COL5A2: variants seen among roughly 807,000 people sequenced by gnomAD.
COL5A2 encodes collagen alpha-2(V) chain.
Under a neutral mutation model 208.2 loss-of-function variants are expected in COL5A2, and 23 were observed. The ratio of observed to expected loss-of-function variants is 0.11; its 90% confidence interval spans 0.08 to 0.16. The LOEUF (loss-of-function observed/expected upper bound fraction) is 0.16, where lower values mean the gene tolerates loss of function less well. COL5A2 is among the 10% of genes least tolerant of loss of function. COL5A2 has a pLI of 1.00. For synonymous variants in COL5A2, 625 were observed against 628.5 expected, an observed-to-expected ratio of 0.99 and a Z score of 0.08; for missense variants, 1,590 against 1,956.4, an observed-to-expected ratio of 0.81 and a Z score of 3.53.
chr2:189,066,723 C>G lies in COL5A2; in HGVS notation c.1455+6G>C, dbSNP rs113512079. The G allele has an allele frequency of 1.2e-6, 2 of 1,611,172 alleles. No homozygotes were observed. The highest frequency in any genetic ancestry group is 1.3e-5 in the African/African-American group (1 of 74,828). On this transcript the variant is annotated splice_donor_region_variant and intron_variant, in intron 22 of 53. Transcript: ENST00000374866. ...TCTACTTATCATTAAAACAATGAAA[C>G]CTTACTGGTTCCCCTTTTGGGCCAG... is the stretch of plus-strand genomic sequence containing the variant.
At chr2:189,252,692 C>T in the COL5A2 span, among the ~76,000 whole-genome samples, 1 of 152,050 alleles carries the variant, frequency 6.6e-6, no homozygotes, top group African/African-American at 2.4e-5. Flanking sequence ...AGCACACCAA[C>T]ATGGCACATG....
the COL5A2 span, among the ~76,000 whole-genome samples, chr2:189,345,992 G>A: frequency 2.0e-5 from 3 of 152,038 alleles, no homozygotes; most frequent in Non-Finnish European, 2.9e-5. Flanking sequence ...TAATAGAAAG[G>A]TAACAAGTTC....
At chr2:189,126,161 C>A (rs1004802323) in intron 1 of COL5A2, among the ~76,000 whole-genome samples, 1 of 151,906 alleles carries the variant, frequency 6.6e-6, no homozygotes, top group Non-Finnish European at 1.5e-5. Context: ...TTTCACTTAA[C>A]AATCATTCAG....
At chr2:189,362,083 C>T in the COL5A2 span, among the ~76,000 whole-genome samples, 6 of 151,940 alleles carry the variant, frequency 3.9e-5, no homozygotes, top group Non-Finnish European at 7.4e-5. Context: ...TAAATTTGTC[C>T]GTTTCTTTCT....
chr2:189,218,767 T>A (rs1049182317), intron 1 of COL5A2, among the ~76,000 whole-genome samples: 1 of 152,164 alleles, frequency 6.6e-6, no homozygotes, highest in East Asian at 1.9e-4. Context: ...TAGGTTCTCA[T>A]TGACGCCTAG....
At chr2:189,342,758 A>C in the COL5A2 span, among the ~76,000 whole-genome samples, 1 of 151,896 alleles carries the variant, frequency 6.6e-6, no homozygotes, top group African/African-American at 2.4e-5. Context: ...TGTATTTGAG[A>C]AATTTACTTT....
At chr2:189,292,579 G>A in the COL5A2 span, among the ~76,000 whole-genome samples, 5 of 152,170 alleles carry the variant, frequency 3.3e-5, no homozygotes, top group African/African-American at 9.6e-5. Flanking sequence ...AGATAGAATG[G>A]CAATCATTAA....
chr2:189,154,277 A>C (rs1688201634), intron 1 of COL5A2, among the ~76,000 whole-genome samples: 1 of 152,222 alleles, frequency 6.6e-6, no homozygotes, highest in Non-Finnish European at 1.5e-5. Flanking sequence ...TAATGAAATG[A>C]ATGCATAGCA....
intron 16 of COL5A2, 121 bp downstream of exon 16, chr2:189,078,395 G>GAA (rs5837122): frequency 3.7e-6 from 2 of 538,532 alleles, no homozygotes; most frequent in Non-Finnish European, 6.6e-6. Flanking sequence ...AAAAGAAAAA[G>GAA]AAAAAAAAAA....
At chr2:189,205,931 C>G (rs1156397908) in intron 1 of COL5A2, among the ~76,000 whole-genome samples, 1 of 152,116 alleles carries the variant, frequency 6.6e-6, no homozygotes, top group African/African-American at 2.4e-5. Flanking sequence ...AATCCTGTGT[C>G]TTAAAATAAA....
At chr2:189,283,248 G>T in the COL5A2 span, among the ~76,000 whole-genome samples, 1 of 151,750 alleles carries the variant, frequency 6.6e-6, no homozygotes, top group Non-Finnish European at 1.5e-5. Flanking sequence ...AGAAAAAAGG[G>T]AAGAAGGAGA....
the COL5A2 span, among the ~76,000 whole-genome samples, chr2:189,244,959 A>G: frequency 6.6e-6 from 1 of 152,222 alleles, no homozygotes; most frequent in East Asian, 1.9e-4. Flanking sequence ...TCTTAGATGG[A>G]TGGCAGCAGG....
At chr2:189,394,665 A>G in the COL5A2 span, among the ~76,000 whole-genome samples, 64 of 152,348 alleles carry the variant, frequency 4.2e-4, no homozygotes, top group African/African-American at 1.4e-3. Flanking sequence ...TGGGTAAGGC[A>G]GCTTAATTCA....
the COL5A2 span, among the ~76,000 whole-genome samples, chr2:189,334,382 A>T: frequency 6.6e-6 from 1 of 152,022 alleles, no homozygotes; most frequent in Admixed American, 6.6e-5. Flanking sequence ...ACAAAAAATA[A>T]AAAGTGAATT....
intron 9 of COL5A2, 66 bp downstream of exon 9, chr2:189,086,660 C>T (rs920507822): frequency 1.1e-5 from 14 of 1,282,886 alleles, no homozygotes; most frequent in Non-Finnish European, 1.6e-5. Flanking sequence ...TCACAGAGAC[C>T]TTATGTAATA....
the COL5A2 span, among the ~76,000 whole-genome samples, chr2:189,245,880 T>TAATGTTGTC: frequency 1.3e-5 from 2 of 152,238 alleles, no homozygotes; most frequent in African/African-American, 4.8e-5. Context: ...AACTTTTGTT[T>TAATGTTGTC]AGTACAACTC....
chr2:189,339,918 C>T, the COL5A2 span, among the ~76,000 whole-genome samples: 1 of 152,074 alleles, frequency 6.6e-6, no homozygotes, highest in Non-Finnish European at 1.5e-5. Context: ...GATCAATGTC[C>T]ATGTTTATTC....
intron 7 of COL5A2, among the ~76,000 whole-genome samples, chr2:189,091,849 A>G (rs533920165): frequency 6.6e-6 from 1 of 152,336 alleles, no homozygotes; most frequent in African/African-American, 2.4e-5. Context: ...TAAAAAAACT[A>G]AAATTGAAGA....
chr2:189,159,676 T>C (rs1052629341), intron 1 of COL5A2, among the ~76,000 whole-genome samples: 5 of 151,090 alleles, frequency 3.3e-5, no homozygotes, highest in Admixed American at 6.6e-5. Context: ...TCTTCCTCTT[T>C]ATGCATATTC....
Sources: allele counts gnomAD v4.1 joint callset (sites outside exome capture counted in the v4.1 genomes callset), GRCh38; gene constraint gnomAD v4.1.1; transcripts MANE v1.5; gene names NCBI Gene and HGNC (gene_info 2026-07-23, HGNC 2026-07-21).